Variants in HS6ST3 observed in about 807,000 individuals in gnomAD.
HS6ST3 encodes the protein heparan-sulfate 6-O-sulfotransferase 3.
HS6ST3 carries 12 observed loss-of-function variants against 36.7 expected under a neutral mutation model. That is an observed-to-expected ratio of 0.33 (90% CI 0.21 to 0.53). HS6ST3 has a LOEUF of 0.53. Ranked by LOEUF, HS6ST3 falls within the 20% of genes least tolerant of loss-of-function variation. HS6ST3 has a pLI of 0.95. For missense variants in HS6ST3, 584 were observed against 640.9 expected (o/e 0.91, Z 0.96); for synonymous variants, 240 against 257.5 (o/e 0.93, Z 0.65).
intron 1 of HS6ST3, among the ~76,000 whole-genome samples, chr13:96,273,310 G>C (rs752230438): frequency 6.6e-6 from 1 of 151,966 alleles, no homozygotes; most frequent in Non-Finnish European, 1.5e-5. Flanking sequence ...GCATTTAATT[G>C]CTAGTTTGAG....
chr13:96,794,387 T>C (rs1877862168), intron 1 of HS6ST3, among the ~76,000 whole-genome samples: 1 of 152,100 alleles, frequency 6.6e-6, no homozygotes, highest in African/African-American at 2.4e-5. Context: ...AGGATCTGAC[T>C]TGAGAAATTT....
intron 1 of HS6ST3, among the ~76,000 whole-genome samples, chr13:96,338,461 G>A (rs1258083628): frequency 6.6e-6 from 1 of 152,164 alleles, no homozygotes; most frequent in Non-Finnish European, 1.5e-5. Flanking sequence ...CTGTCTCCAA[G>A]GTAATCTTGC....
rs79126484 is a variant in HS6ST3 at position 96,726,151 on chromosome 13, A to T, written c.708-106339A>T. Among the ~76,000 whole-genome samples the T allele has an allele frequency of 2.5e-3, 383 of 152,248 alleles. 1 individual carries two copies. Among genetic ancestry groups the T allele is most frequent in the African/African-American group, 8.8e-3 (367 of 41,562 alleles). On this transcript the variant is annotated intron_variant, in intron 1 of 1. Transcript: ENST00000376705. ...GTGCCCGGCCTATGATATGTTTTTA[A>T]TTCAGATATATTAATCTGTTGATTT...
At chr13:96,660,086 C>T (rs1185655324) in intron 1 of HS6ST3, among the ~76,000 whole-genome samples, 5 of 151,968 alleles carry the variant, frequency 3.3e-5, no homozygotes, top group African/African-American at 9.7e-5. Flanking sequence ...ATAATGCACC[C>T]TCATTTCAAA....
intron 1 of HS6ST3, among the ~76,000 whole-genome samples, chr13:96,298,776 G>A (rs1176042669): frequency 6.6e-6 from 1 of 152,168 alleles, no homozygotes; most frequent in Admixed American, 6.6e-5. Context: ...AGGGCAGAAA[G>A]TAACAGCTCA....
At chr13:96,775,907 G>T (rs534211260) in intron 1 of HS6ST3, among the ~76,000 whole-genome samples, 1 of 151,928 alleles carries the variant, frequency 6.6e-6, no homozygotes, top group Non-Finnish European at 1.5e-5. Flanking sequence ...GCACCACATC[G>T]CAATGATTCT....
At chr13:96,717,656 ACTC>A (rs1054573488) in intron 1 of HS6ST3, among the ~76,000 whole-genome samples, 2 of 152,130 alleles carry the variant, frequency 1.3e-5, no homozygotes, top group Non-Finnish European at 2.9e-5. Flanking sequence ...ATTCCTCACA[ACTC>A]CATGAGGGAG....
intron 1 of HS6ST3, among the ~76,000 whole-genome samples, chr13:96,638,965 TG>T (rs1336658944): frequency 6.6e-6 from 1 of 151,994 alleles, no homozygotes; most frequent in Non-Finnish European, 1.5e-5. Context: ...CATTGAGACT[TG>T]TTTTATGGCC....
chr13:96,101,070 A>G (rs1213189155), intron 1 of HS6ST3, among the ~76,000 whole-genome samples: 1 of 152,178 alleles, frequency 6.6e-6, no homozygotes, highest in East Asian at 1.9e-4. Flanking sequence ...AATCATGCTA[A>G]TTTGGGTGTT....
chr13:96,447,593 C>T (rs1364035818), intron 1 of HS6ST3, among the ~76,000 whole-genome samples: 1 of 152,162 alleles, frequency 6.6e-6, no homozygotes, highest in Non-Finnish European at 1.5e-5. Context: ...CCTACATGTG[C>T]CTGTCAACAT....
chr13:96,214,307 AATTGCAGCTGC>A (rs1405110696), intron 1 of HS6ST3, among the ~76,000 whole-genome samples: 1 of 152,090 alleles, frequency 6.6e-6, no homozygotes, highest in East Asian at 1.9e-4. Flanking sequence ...TGTACAAAGG[AATTGCAGCTGC>A]TTACATAGCC....
intron 1 of HS6ST3, among the ~76,000 whole-genome samples, chr13:96,763,459 C>G (rs1350051569): frequency 6.6e-6 from 1 of 150,498 alleles, no homozygotes; most frequent in Non-Finnish European, 1.5e-5. Context: ...CCACTGCACT[C>G]CAGCCTGGGC....
chr13:96,130,125 T>C (rs984962370), intron 1 of HS6ST3, among the ~76,000 whole-genome samples: 2 of 152,212 alleles, frequency 1.3e-5, no homozygotes, highest in African/African-American at 4.8e-5. Context: ...ATATGTAATT[T>C]TGGGGAGAAG....
At chr13:96,694,927 G>T (rs1349631588) in intron 1 of HS6ST3, among the ~76,000 whole-genome samples, 1 of 151,988 alleles carries the variant, frequency 6.6e-6, no homozygotes, top group Admixed American at 6.6e-5. Context: ...GATTTTTACA[G>T]CGACATAGAC....
At chr13:96,173,645 T>C (rs962290823) in intron 1 of HS6ST3, among the ~76,000 whole-genome samples, 2 of 145,190 alleles carry the variant, frequency 1.4e-5, no homozygotes, top group Non-Finnish European at 3.0e-5. Context: ...GCAGACTTCT[T>C]TGAATAGGCA....
chr13:96,809,975 G>T (rs576097613), intron 1 of HS6ST3, among the ~76,000 whole-genome samples: 70 of 152,274 alleles, frequency 4.6e-4, no homozygotes, highest in African/African-American at 1.4e-3. Context: ...TGAGATAGCT[G>T]GTACTCAAGA....
intron 1 of HS6ST3, among the ~76,000 whole-genome samples, chr13:96,764,070 T>G (rs1461692655): frequency 2.6e-5 from 4 of 152,232 alleles, no homozygotes; most frequent in African/African-American, 9.6e-5. Context: ...TGTTCTTAAT[T>G]TAACGTTTAC....
intron 1 of HS6ST3, among the ~76,000 whole-genome samples, chr13:96,411,167 A>G (rs907455407): frequency 1.1e-4 from 17 of 152,186 alleles, no homozygotes; most frequent in Non-Finnish European, 2.5e-4. Context: ...TAAAAGACAA[A>G]GATTTTATTT....
intron 1 of HS6ST3, among the ~76,000 whole-genome samples, chr13:96,589,505 A>AGG (rs2138974496): frequency 6.6e-6 from 1 of 151,456 alleles, no homozygotes; most frequent in African/African-American, 2.4e-5. Flanking sequence ...TTAGTCTTTT[A>AGG]TATTGTTTTT....
Sources: gnomAD v4.1 joint callset for allele counts (sites outside exome capture counted in the v4.1 genomes callset) on GRCh38, gnomAD v4.1.1 for gene constraint, MANE v1.5 for transcripts, NCBI Gene and HGNC (gene_info 2026-07-23, HGNC 2026-07-21) for gene names.